Variants in FREM3 observed in about 807,000 individuals in gnomAD.
The protein encoded by FREM3 is FRAS1 related extracellular matrix 3, also known as FRAS1-related extracellular matrix protein 3.
FREM3 carries 105 observed loss-of-function variants against 129.1 expected under a neutral mutation model. That is an observed-to-expected ratio of 0.81 (90% CI 0.69 to 0.96). The LOEUF (loss-of-function observed/expected upper bound fraction) is 0.96. FREM3 is among the 40% of genes least tolerant of loss of function. The probability of loss-of-function intolerance (pLI) is 0.00; values close to 1 mark genes in which losing one functional copy is unlikely to be tolerated. For synonymous variants in FREM3, 1,014 were observed against 1,044.9 expected (o/e 0.97, Z 0.57); for missense variants, 2,593 against 2,666.3 (o/e 0.97, Z 0.61).
At position 143,621,143 on chromosome 4, in the gene FREM3, TG is replaced by T; in HGVS notation, c.5672del (p.Pro1891GlnfsTer7). 1.3e-6 allele frequency: 2 copies of T among 1,536,854 alleles called. No homozygotes were observed. Among genetic ancestry groups the T allele is most frequent in the Non-Finnish European group, 1.7e-6 (2 of 1,146,534 alleles). ...DPGDESTVYIPEAEYKIEEDI... is the reference protein window; with the variant it reads ...DPGDESTVYIXEAEYKIEEDI... ...CCTCTTCTATTTTGTATTCCGCCTC[TG>T]GAATATAAACTGTTGATTCTAGAAA... On this transcript the variant is annotated frameshift_variant, in exon 5 of 8. Coordinates refer to ENST00000329798, the MANE Select transcript of FREM3 (RefSeq NM_001168235.2). LOFTEE classifies it high-confidence loss of function.
Position 143,697,331 on chromosome 4 carries a change from A to C in FREM3, c.3345T>G (p.Ser1115=). 3 of 1,537,174 alleles carry C rather than the reference A, an allele frequency of 2.0e-6. No individual in the cohort carries two copies. The highest frequency in any genetic ancestry group is 2.6e-6 in the Non-Finnish European group (3 of 1,146,814). The change falls in exon 1 of 8, where the codon TCT becomes TCG. Residue 1115 remains serine (S), a synonymous_variant. Transcript: ENST00000329798. ...LLCTVTSQPA[S]GYLEKIASAP... ...CTGATGCAATCTTTTCCAGGTAGCC[A>C]GAGGCTGGCTGACTAGTCACTGTGC...
At chr4:143,675,785 A>T (rs1016319450) in intron 2 of FREM3, among the ~76,000 whole-genome samples, 1 of 152,224 alleles carries the variant, frequency 6.6e-6, no homozygotes, top group South Asian at 2.1e-4. Flanking sequence ...AAACTAGAAA[A>T]TCTAGAAGAA....
intron 2 of FREM3, among the ~76,000 whole-genome samples, chr4:143,640,568 G>A (rs1024790297): frequency 1.3e-5 from 2 of 152,188 alleles, no homozygotes; most frequent in Non-Finnish European, 2.9e-5. Flanking sequence ...TACTCAGGAG[G>A]TTGAGGCAGG....
intron 6 of FREM3, among the ~76,000 whole-genome samples, chr4:143,608,302 A>G (rs886753194): frequency 1.3e-5 from 2 of 152,164 alleles, no homozygotes; most frequent in Non-Finnish European, 2.9e-5. Context: ...ACATACAAAC[A>G]CTAATATTTT....
Position 143,624,189 on chromosome 4 carries a change from G to T in FREM3, c.5572C>A (p.Gln1858Lys). ...ATGAGAGGTTCAGACAGAATGATCT[G>T]GAAGGTCTCTGAAGTCTCATATTCA... ...DNEYETSETF[Q>K]IILSEPLMAV... The change falls in exon 4 of 8, where the codon CAG becomes AAG. Residue 1858 changes from glutamine (Q) to lysine (K), a missense_variant. This residue lies in a region of FREM3 where 317 missense variants were observed against 399.0 expected (regional missense o/e 0.79). Transcript: ENST00000329798. 6.5e-7 allele frequency: 1 copy of T among 1,536,778 alleles called. No individual in the cohort carries two copies. Among genetic ancestry groups the T allele is most frequent in the East Asian group, 2.4e-5 (1 of 40,890 alleles).
intron 2 of FREM3, among the ~76,000 whole-genome samples, chr4:143,683,031 C>A (rs1312627013): frequency 6.6e-6 from 1 of 152,084 alleles, no homozygotes; most frequent in Admixed American, 6.5e-5. Context: ...AAAGATTCAC[C>A]CACTTCCGGC....
intron 2 of FREM3, among the ~76,000 whole-genome samples, chr4:143,657,202 C>T (rs1312056802): frequency 6.6e-6 from 1 of 152,208 alleles, no homozygotes; most frequent in Non-Finnish European, 1.5e-5. Context: ...TCATATTTAT[C>T]AAGTAACCTA....
chr4:143,618,381 T>C (rs569555041), intron 5 of FREM3, among the ~76,000 whole-genome samples: 3 of 151,958 alleles, frequency 2.0e-5, no homozygotes, highest in African/African-American at 7.2e-5. Flanking sequence ...TAAGAAGGTA[T>C]TTTCATGTTT....
Position 143,697,765 on chromosome 4 carries a change from C to T in FREM3, c.2911G>A (p.Val971Ile). 6.5e-7 allele frequency: 1 copy of T among 1,537,604 alleles called. No homozygotes were observed. The highest frequency in any genetic ancestry group is 1.2e-5 in the South Asian group (1 of 84,058). Residue 971 changes from valine (V) to isoleucine (I), a missense_variant, in exon 1 of 8, where the codon GTC becomes ATC. Physicochemically the swap from Val to Ile is conservative, Grantham distance 29 (BLOSUM62 3). Around this residue, in one of 2 missense-constraint regions of FREM3, gnomAD observed 2,276 missense variants for 2,267.2 expected, o/e 1.00. Transcript: ENST00000329798. ...ENKATEITMG[V>I]IHGKRKDVGD... ...ACATCCTTCCTTTTGCCATGGATGA[C>T]ACCCATGGTAATTTCAGTGGCTTTA... is the stretch of plus-strand genomic sequence containing the variant.
At chr4:143,662,147 G>C (rs1265249975) in intron 2 of FREM3, among the ~76,000 whole-genome samples, 3 of 151,926 alleles carry the variant, frequency 2.0e-5, no homozygotes, top group Admixed American at 6.6e-5. Flanking sequence ...GAATGTGTTT[G>C]CTCTTGCTTT....
chr4:143,696,438 T>C lies in FREM3; in HGVS notation c.4238A>G (p.His1413Arg), dbSNP rs1740570692. Residue 1413 changes from histidine to arginine, a missense_variant, in exon 1 of 8, where the codon CAC (histidine) becomes CGC (arginine). This residue lies in a region of FREM3 where 2,276 missense variants were observed against 2,267.2 expected (regional missense o/e 1.00). Transcript: ENST00000329798. ...GTTGCCAATGGTGACATAGAAGTAG[T>C]GGTCTGTCAAAGTGTTAACCCCATC... ...VTDGVNTLTD[H>R]YFYVTIGNLD... is the part of the protein sequence containing the mutation. 6.5e-7 allele frequency: 1 copy of C among 1,537,678 alleles called. No homozygotes were observed. Among genetic ancestry groups the C allele is most frequent in the Non-Finnish European group, 8.7e-7 (1 of 1,147,010 alleles).
intron 2 of FREM3, among the ~76,000 whole-genome samples, chr4:143,675,960 G>T (rs1412354686): frequency 6.6e-6 from 1 of 152,076 alleles, no homozygotes; most frequent in Non-Finnish European, 1.5e-5. Flanking sequence ...TCTACCAGAG[G>T]TACAAGGAGG....
chr4:143,685,851 C>T (rs1310041473), intron 2 of FREM3, among the ~76,000 whole-genome samples: 1 of 151,724 alleles, frequency 6.6e-6, no homozygotes, highest in African/African-American at 2.4e-5. Context: ...CATCACACAA[C>T]AGGGCCTGTC....
chr4:143,619,344 C>T (rs537203868), intron 5 of FREM3, among the ~76,000 whole-genome samples: 351 of 152,270 alleles, frequency 2.3e-3, no homozygotes, highest in Non-Finnish European at 3.7e-3. Context: ...AATTTTGATT[C>T]GTTCTCTTGT....
In FREM3 at chr4:143,621,074, T is replaced by G; in HGVS notation, c.5742A>C (p.Ala1914=). The G allele has an allele frequency of 6.5e-7, 1 of 1,537,334 alleles. No homozygotes were observed. Among genetic ancestry groups the G allele is most frequent in the Non-Finnish European group, 8.7e-7 (1 of 1,146,894 alleles). The change falls in exon 5 of 8, where the codon GCA becomes GCC. Residue 1914 remains alanine, a synonymous_variant. Transcript: ENST00000329798. ...LLIPVRRSGD[A]SQELIVICST... is the part of the protein sequence containing the mutation. ...AGCAAATGACGATTAGTTCCTGGCT[T>G]GCATCTCCAGATCGTCTTACTGGAA...
At chr4:143,640,048 G>A (rs1448786666) in intron 2 of FREM3, among the ~76,000 whole-genome samples, 1 of 152,148 alleles carries the variant, frequency 6.6e-6, no homozygotes. Context: ...TCACATCTCT[G>A]AAAACTCTTA....
At chr4:143,580,253 A>G (rs1738107629) in intron 7 of FREM3, among the ~76,000 whole-genome samples, 1 of 152,206 alleles carries the variant, frequency 6.6e-6, no homozygotes, top group South Asian at 2.1e-4. Flanking sequence ...CAAGGAAGCA[A>G]CATGACCCAC....
intron 2 of FREM3, among the ~76,000 whole-genome samples, chr4:143,663,763 T>C (rs1234117991): frequency 6.6e-6 from 1 of 152,130 alleles, no homozygotes; most frequent in Non-Finnish European, 1.5e-5. Flanking sequence ...GTCCCATATT[T>C]CTTGGAGGCT....
chr4:143,590,282 G>A (rs1738334223), intron 6 of FREM3, among the ~76,000 whole-genome samples: 1 of 152,192 alleles, frequency 6.6e-6, no homozygotes, highest in Non-Finnish European at 1.5e-5. Context: ...ATGTTGAATA[G>A]GAGTGATGAG....
Sources: allele counts gnomAD v4.1 joint callset (sites outside exome capture counted in the v4.1 genomes callset), GRCh38; gene constraint gnomAD v4.1.1; regional missense constraint gnomAD v4.1.1; transcripts MANE v1.5; gene names NCBI Gene and HGNC (gene_info 2026-07-23, HGNC 2026-07-21).